The following ALK variants were observed in gnomAD, a reference collection of about 807,000 sequenced individuals.
The protein encoded by ALK is ALK receptor tyrosine kinase, also known as ALK tyrosine kinase receptor.
ALK carries 74 observed loss-of-function variants against 163.1 expected under a neutral mutation model. The ratio of observed to expected loss-of-function variants is 0.45; its 90% CI spans 0.38 to 0.55. The LOEUF is 0.55. Among genes scored for constraint, ALK ranks in the 20% least tolerant of loss-of-function variants. The pLI, the probability that ALK is intolerant of heterozygous loss-of-function variation, is 0.00. For synonymous variants in ALK, 960 were observed against 843.2 expected (o/e 1.14, Z -2.40); for missense variants, 2,063 against 2,105.3 (o/e 0.98, Z 0.39).
intron 9 of ALK, among the ~76,000 whole-genome samples, chr2:29,282,828 T>A (rs1665750211): frequency 6.6e-6 from 1 of 152,084 alleles, no homozygotes; most frequent in Non-Finnish European, 1.5e-5. Flanking sequence ...AGGCATTCTG[T>A]GCTCACTTTC....
intron 4 of ALK, among the ~76,000 whole-genome samples, chr2:29,450,916 G>A (rs1670804425): frequency 6.6e-6 from 1 of 152,068 alleles, no homozygotes; most frequent in Non-Finnish European, 1.5e-5. Flanking sequence ...TATGAAGTGA[G>A]AGTCCGTGGG....
intron 4 of ALK, among the ~76,000 whole-genome samples, chr2:29,486,948 A>G (rs1016536051): frequency 1.3e-5 from 2 of 152,366 alleles, no homozygotes; most frequent in East Asian, 1.9e-4. Context: ...TAATTAAATG[A>G]CAGCAATTTT....
At chr2:29,788,887 A>G (rs1664113090) in intron 1 of ALK, among the ~76,000 whole-genome samples, 1 of 152,122 alleles carries the variant, frequency 6.6e-6, no homozygotes, top group South Asian at 2.1e-4. Context: ...AACCAATGTC[A>G]CTTTCTATAT....
intron 3 of ALK, among the ~76,000 whole-genome samples, chr2:29,609,283 G>T (rs999779811): frequency 4.0e-5 from 6 of 151,714 alleles, no homozygotes; most frequent in South Asian, 2.1e-4. Context: ...TTTGTGTGTG[G>T]TTTTTTTTCT....
At chr2:29,544,318 GA>G (rs1673491192) in intron 3 of ALK, among the ~76,000 whole-genome samples, 1 of 152,184 alleles carries the variant, frequency 6.6e-6, no homozygotes, top group South Asian at 2.1e-4. Context: ...GTGGGCGAAT[GA>G]GTCTGGGGAC....
chr2:29,807,432 G>A (rs1353047292), intron 1 of ALK, among the ~76,000 whole-genome samples: 1 of 152,218 alleles, frequency 6.6e-6, no homozygotes, highest in Non-Finnish European at 1.5e-5. Context: ...GTGTCCTTCT[G>A]CCAGGGAGGG....
chr2:29,877,565 TTAAG>T (rs1385089025), intron 1 of ALK, among the ~76,000 whole-genome samples: 1 of 152,196 alleles, frequency 6.6e-6, no homozygotes, highest in African/African-American at 2.4e-5. Flanking sequence ...ATAGTAGGTA[TTAAG>T]TAATCATTCA....
At chr2:29,305,145 G>C (rs1360343745) in intron 8 of ALK, among the ~76,000 whole-genome samples, 1 of 152,340 alleles carries the variant, frequency 6.6e-6, no homozygotes, top group Middle Eastern at 3.4e-3. Flanking sequence ...CTTTGAGTAA[G>C]AGGCAATTCT....
Position 29,684,654 on chromosome 2 carries a change from G to A in ALK, c.952+10196C>T, listed in dbSNP as rs73921157. Among the ~76,000 whole-genome samples the A allele has an allele frequency of 4.3e-3, 651 of 152,302 alleles. 4 individuals carry two copies. The highest frequency in any genetic ancestry group is 0.014 in the African/African-American group (591 of 41,564). ...ACCCCAATTGATGTAATTTGGTTGT[G>A]TCATAGGACAAAGCGGACACCCCAG... is the stretch of plus-strand genomic sequence containing the variant. On this transcript the variant is annotated intron_variant, in intron 3 of 28. Coordinates refer to ENST00000389048, the MANE Select transcript of ALK (RefSeq NM_004304.5).
intron 4 of ALK, among the ~76,000 whole-genome samples, chr2:29,414,748 C>T (rs771451631): frequency 1.3e-5 from 2 of 152,172 alleles, no homozygotes; most frequent in African/African-American, 2.4e-5. Flanking sequence ...TCAGACAGTT[C>T]CTGCATGCAA....
chr2:29,636,515 A>T (rs1237617060), intron 3 of ALK, among the ~76,000 whole-genome samples: 1 of 152,178 alleles, frequency 6.6e-6, no homozygotes, highest in Admixed American at 6.5e-5. Flanking sequence ...ATAGGATAAA[A>T]TTTTGAGGAA....
chr2:29,299,262 T>G (rs557111979), intron 8 of ALK, among the ~76,000 whole-genome samples: 6 of 152,370 alleles, frequency 3.9e-5, no homozygotes, highest in Non-Finnish European at 8.8e-5. Context: ...CACATTCTCC[T>G]GTTGATCATG....
chr2:29,208,647 G>A (rs1669378488), intron 25 of ALK, among the ~76,000 whole-genome samples: 1 of 152,134 alleles, frequency 6.6e-6, no homozygotes, highest in African/African-American at 2.4e-5. Context: ...CACCCCTGTG[G>A]GGACTGTTAC....
At chr2:29,703,722 A>G (rs1346804903) in intron 2 of ALK, among the ~76,000 whole-genome samples, 2 of 152,212 alleles carry the variant, frequency 1.3e-5, no homozygotes, top group African/African-American at 4.8e-5. Flanking sequence ...TTGTTGTACC[A>G]AAGTAAGGTT....
intron 1 of ALK, among the ~76,000 whole-genome samples, chr2:29,870,638 CTT>C (rs1666555063): frequency 6.6e-6 from 1 of 152,028 alleles, no homozygotes; most frequent in Admixed American, 6.6e-5. Context: ...CTTACAAAGA[CTT>C]TTTAATGATG....
At chr2:29,730,916 G>A (rs1679725148) in intron 1 of ALK, among the ~76,000 whole-genome samples, 1 of 152,052 alleles carries the variant, frequency 6.6e-6, no homozygotes. Context: ...ACAATGAGAA[G>A]AGCAAGATGC....
intron 4 of ALK, among the ~76,000 whole-genome samples, chr2:29,519,884 G>A (rs777819384): frequency 3.9e-5 from 6 of 152,144 alleles, no homozygotes; most frequent in African/African-American, 1.4e-4. Flanking sequence ...AAATCATGGA[G>A]GGAATATTTA....
intron 4 of ALK, among the ~76,000 whole-genome samples, chr2:29,422,156 G>T (rs1162525923): frequency 1.3e-5 from 2 of 151,412 alleles, no homozygotes; most frequent in Non-Finnish European, 2.9e-5. Context: ...AGGTAGGTGT[G>T]ACTCCACCTT....
intron 5 of ALK, among the ~76,000 whole-genome samples, chr2:29,335,742 C>T (rs13009937): frequency 0.19 from 29,188 of 152,052 alleles, 3,266 homozygotes; most frequent in Middle Eastern, 0.3. Flanking sequence ...ACTCTTGGCA[C>T]TGGTGGTTTT....
Sources: gnomAD v4.1 joint callset for allele counts (sites outside exome capture counted in the v4.1 genomes callset) on GRCh38, gnomAD v4.1.1 for gene constraint, MANE v1.5 for transcripts, NCBI Gene and HGNC (gene_info 2026-07-23, HGNC 2026-07-21) for gene names.